The following DNAH14 variants were observed in gnomAD, a reference collection of about 807,000 sequenced individuals.
DNAH14 encodes the protein dynein axonemal heavy chain 14.
A neutral mutation model predicts 520.9 loss-of-function variants in DNAH14; 478 were observed. That is an observed-to-expected ratio of 0.92 (90% CI 0.85 to 0.99). The LOEUF (loss-of-function observed/expected upper bound fraction) is 0.99, where lower values mean the gene tolerates loss of function less well. Ranked by LOEUF, DNAH14 falls within the 50% of genes least tolerant of loss-of-function variation. DNAH14 has a pLI of 0.00. For missense variants in DNAH14, 4,831 were observed against 5,234.5 expected, an observed-to-expected ratio of 0.92 and a Z score of 2.38; for synonymous variants, 1,581 against 1,757.2, an observed-to-expected ratio of 0.90 and a Z score of 2.51.
chr1:225,327,570 A>G (rs2094704034), intron 64 of DNAH14, among the ~76,000 whole-genome samples: 1 of 152,216 alleles, frequency 6.6e-6, no homozygotes, highest in African/African-American at 2.4e-5. Context: ...GGGATACAGC[A>G]AAAGAAATGC....
intron 8 of DNAH14, among the ~76,000 whole-genome samples, chr1:224,989,935 C>A (rs2062916875): frequency 6.6e-6 from 1 of 151,512 alleles, no homozygotes; most frequent in African/African-American, 2.4e-5. Context: ...ATGCATAATT[C>A]TTTTTACATA....
intron 84 of DNAH14, among the ~76,000 whole-genome samples, chr1:225,393,453 GTAA>G (rs1286213745): frequency 6.6e-6 from 1 of 152,232 alleles, no homozygotes; most frequent in African/African-American, 2.4e-5. Flanking sequence ...TAACACAATG[GTAA>G]TTTGTGTACC....
chr1:225,337,560 A>C, intron 67 of DNAH14, 64 bp downstream of exon 67: 1 of 1,296,512 alleles, frequency 7.7e-7, no homozygotes, highest in Non-Finnish European at 1.1e-6. Flanking sequence ...CACTGAGCAT[A>C]AAGGCTAAAA....
intron 72 of DNAH14, among the ~76,000 whole-genome samples, chr1:225,352,438 A>G (rs1028599065): frequency 2.0e-5 from 3 of 152,182 alleles, no homozygotes; most frequent in African/African-American, 7.2e-5. Context: ...CAATAACATA[A>G]ACATCCTTAT....
chr1:225,333,350 C>T lies in DNAH14; in HGVS notation c.9924C>T (p.Asp3308=). The change falls in exon 66 of 86, where the codon GAC becomes GAT. Residue 3308 remains aspartate (D), a synonymous_variant. Transcript: ENST00000682510. ...IDNKLEGILG[D]ILLSAACIVY... ...ACAAATTAGAAGGAATTTTGGGTGA[C>T]ATACTTCTTTCAGCAGCGTGCATTG... 6.4e-7 allele frequency: 1 copy of T among 1,551,744 alleles called. No homozygotes were observed. The highest frequency in any genetic ancestry group is 8.7e-7 in the Non-Finnish European group (1 of 1,146,914).
At chr1:225,273,480 C>CA (rs1259683973) in intron 52 of DNAH14, among the ~76,000 whole-genome samples, 1 of 152,050 alleles carries the variant, frequency 6.6e-6, no homozygotes, top group Non-Finnish European at 1.5e-5. Flanking sequence ...GATTATTGGG[C>CA]AAAAAATGTT....
At chr1:225,147,506 C>T (rs2080060747) in intron 31 of DNAH14, among the ~76,000 whole-genome samples, 1 of 152,088 alleles carries the variant, frequency 6.6e-6, no homozygotes, top group Admixed American at 6.5e-5. Flanking sequence ...GGAACAGTCT[C>T]CTGAGCTACC....
intron 18 of DNAH14, among the ~76,000 whole-genome samples, chr1:225,079,908 C>T (rs762099146): frequency 1.4e-4 from 22 of 151,970 alleles, no homozygotes; most frequent in Non-Finnish European, 2.8e-4. Context: ...CTCCTGACCT[C>T]GTGATCCACT....
intron 79 of DNAH14, 113 bp downstream of exon 79, chr1:225,377,549 C>T: frequency 1.9e-6 from 2 of 1,072,828 alleles, no homozygotes; most frequent in Non-Finnish European, 2.6e-6. Context: ...TGCTTGAGCT[C>T]AGGAGTTCGA....
intron 38 of DNAH14, among the ~76,000 whole-genome samples, chr1:225,194,125 A>C (rs940011130): frequency 6.6e-6 from 1 of 152,158 alleles, no homozygotes; most frequent in Non-Finnish European, 1.5e-5. Flanking sequence ...ATACTGCGCA[A>C]AGCAATTACA....
chr1:225,081,203 A>G (rs549270552), intron 19 of DNAH14, among the ~76,000 whole-genome samples: 4 of 152,320 alleles, frequency 2.6e-5, no homozygotes, highest in South Asian at 2.1e-4. Flanking sequence ...GAGCATTTCT[A>G]TAAGATCAAA....
intron 84 of DNAH14, chr1:225,397,424 C>T (rs1008632851): frequency 6.5e-6 from 1 of 152,688 alleles, no homozygotes; most frequent in Non-Finnish European, 1.5e-5. Context: ...CCTGTGTCAA[C>T]AAGCTGGCCC....
intron 69 of DNAH14, among the ~76,000 whole-genome samples, chr1:225,344,740 G>A (rs2095260700): frequency 7.0e-6 from 1 of 143,670 alleles, no homozygotes; most frequent in Admixed American, 7.2e-5. Flanking sequence ...TATTGAGACA[G>A]TGTTTCACTC....
At chr1:224,970,932 CCAAA>C (rs2061469994) in intron 7 of DNAH14, among the ~76,000 whole-genome samples, 1 of 152,078 alleles carries the variant, frequency 6.6e-6, no homozygotes, top group Non-Finnish European at 1.5e-5. Flanking sequence ...ATTGAACAAA[CCAAA>C]CAATTATCCT....
chr1:224,955,024 T>C lies in DNAH14; in HGVS notation c.143T>C (p.Ile48Thr), dbSNP rs1370286236. ...VKPLETQPAE[I>T]AEKETLEYKT... ...CCATTAGAGACTCAACCAGCTGAAA[T>C]AGCAGAAAAGGAAACATTGGAATAT... The change falls in exon 3 of 86, where the codon ATA becomes ACA. Residue 48 changes from isoleucine to threonine, a missense_variant. Ile to Thr is a moderately conservative substitution (Grantham distance 89). Coordinates refer to ENST00000682510, the MANE Select transcript of DNAH14 (RefSeq NM_001367479.1). 6 of 1,611,406 alleles carry C rather than the reference T, an allele frequency of 3.7e-6. No individual in the cohort carries two copies. The highest frequency in any genetic ancestry group is 3.3e-5 in the Admixed American group (2 of 59,922).
Position 225,211,363 on chromosome 1 carries a change from A to G in DNAH14, c.6439+4143A>G, listed in dbSNP as rs1018472888. Among the ~76,000 whole-genome samples the G allele has an allele frequency of 3.9e-5, 6 of 152,194 alleles. No homozygotes were observed. In the East Asian group the frequency reaches 9.6e-4, roughly 24 times the overall value. On this transcript the variant is annotated intron_variant, in intron 41 of 85. Transcript: ENST00000682510. ...CAAGAGAACTTCATGAAGCATACACATGTATCAATAACTGAATAGATCAAT... is the reference window on the plus strand; with the variant it reads ...CAAGAGAACTTCATGAAGCATACACGTGTATCAATAACTGAATAGATCAAT...
chr1:224,936,768 A>C (rs2059066607), intron 1 of DNAH14, among the ~76,000 whole-genome samples: 1 of 151,986 alleles, frequency 6.6e-6, no homozygotes. Context: ...CACACAAAAA[A>C]GGAAAACTAT....
At chr1:225,376,246 A>G (rs912031186) in intron 78 of DNAH14, among the ~76,000 whole-genome samples, 4 of 152,028 alleles carry the variant, frequency 2.6e-5, no homozygotes, top group African/African-American at 4.8e-5. Flanking sequence ...GGCCAACATG[A>G]TGAGACCTTA....
Position 225,038,339 on chromosome 1 carries a change from G to A in DNAH14, c.1359-355G>A, listed in dbSNP as rs190924292. Among the ~76,000 whole-genome samples the A allele has an allele frequency of 1.1e-4, 17 of 152,052 alleles. No individual in the cohort carries two copies. The East Asian group carries it at 3.1e-3, about 28-fold the overall frequency. On this transcript the variant is annotated intron_variant, in intron 11 of 85. Transcript: ENST00000682510. ...GAGTTTGATTATTAAGTGCTTTGGG[G>A]TAGTCTTCTTTAGGTTAAATCTGCT... is the stretch of plus-strand genomic sequence containing the variant.
Sources: gnomAD v4.1 joint callset for allele counts (sites outside exome capture counted in the v4.1 genomes callset) on GRCh38, gnomAD v4.1.1 for gene constraint, MANE v1.5 for transcripts, NCBI Gene and HGNC (gene_info 2026-07-23, HGNC 2026-07-21) for gene names.